The following ITGB5 variants were observed in gnomAD, a reference collection of about 807,000 sequenced individuals.
ITGB5 encodes the protein integrin beta-5.
Under a neutral mutation model 84.8 loss-of-function variants are expected in ITGB5, and 38 were observed. The ratio of observed to expected loss-of-function variants is 0.45; its 90% CI spans 0.35 to 0.59. ITGB5 has a LOEUF of 0.59. Among genes scored for constraint, ITGB5 ranks in the 20% least tolerant of loss-of-function variants. ITGB5 has a pLI of 0.01. For synonymous variants in ITGB5, 393 were observed against 414.4 expected (o/e 0.95, Z 0.63); for missense variants, 905 against 1,034.5 (o/e 0.87, Z 1.72).
At chr3:124,841,352 A>G (rs375293545) in intron 5 of ITGB5, 31 bp downstream of exon 5, 185 of 1,605,102 alleles carry the variant, frequency 1.2e-4, no homozygotes, top group Non-Finnish European at 1.5e-4. Flanking sequence ...TGACCTCCCC[A>G]TGCAGGGACA....
intron 3 of ITGB5, among the ~76,000 whole-genome samples, chr3:124,850,054 C>T (rs2065130262): frequency 6.6e-6 from 1 of 152,114 alleles, no homozygotes; most frequent in African/African-American, 2.4e-5. Context: ...CTACACCTGA[C>T]TTGCCGGCAG....
intron 9 of ITGB5, among the ~76,000 whole-genome samples, chr3:124,799,683 C>T (rs1018689968): frequency 2.0e-5 from 3 of 152,154 alleles, no homozygotes; most frequent in Admixed American, 6.5e-5. Flanking sequence ...AAGGAAGTGT[C>T]CTCATTTTAC....
chr3:124,789,237 A>G (rs943642233), intron 10 of ITGB5, among the ~76,000 whole-genome samples: 3 of 152,258 alleles, frequency 2.0e-5, no homozygotes, highest in Admixed American at 6.5e-5. Flanking sequence ...GGTGAGAAAC[A>G]CTTTTAAAAC....
At chr3:124,772,190 T>G (rs2063856101) in intron 11 of ITGB5, among the ~76,000 whole-genome samples, 1 of 152,188 alleles carries the variant, frequency 6.6e-6, no homozygotes, top group African/African-American at 2.4e-5. Context: ...CCGGGCTGTT[T>G]CTACTTGGAT....
chr3:124,861,446 C>T (rs1022074868), intron 2 of ITGB5, among the ~76,000 whole-genome samples: 2 of 129,804 alleles, frequency 1.5e-5, no homozygotes, highest in African/African-American at 3.0e-5. Context: ...CCAGCCTGAG[C>T]GACAGTGAGA....
At chr3:124,840,404 G>A (rs1340724822) in intron 5 of ITGB5, among the ~76,000 whole-genome samples, 1 of 151,732 alleles carries the variant, frequency 6.6e-6, no homozygotes, top group Non-Finnish European at 1.5e-5. Context: ...GATTTTTAAA[G>A]TATGTGTTAT....
intron 10 of ITGB5, among the ~76,000 whole-genome samples, chr3:124,789,177 ACTGATT>A (rs1283072161): frequency 6.6e-6 from 1 of 152,272 alleles, no homozygotes; most frequent in Non-Finnish European, 1.5e-5. Context: ...CTGCCAGGCT[ACTGATT>A]CTGAGTGTGA....
Position 124,763,551 on chromosome 3 carries a change from A to G in ITGB5, c.*72T>C. ...TACCTAGGGAGCTGTGATCAAGCCG[A>G]GCAGCCGTGCAAGGCGTTTCAGTCT... On this transcript the variant is annotated 3_prime_UTR_variant, in exon 15 of 15. Coordinates refer to ENST00000296181, the MANE Select transcript of ITGB5 (RefSeq NM_002213.5). The G allele has an allele frequency of 1.1e-6, 1 of 911,356 alleles. No individual in the cohort carries two copies. The allele number at this position is 911,356 out of a possible 1,614,324, so 56.5% of individuals were successfully genotyped here. A position where few individuals can be genotyped will look rare whatever the true frequency, so the allele number is the denominator to read the frequency against.
chr3:124,813,597 C>A (rs1032567704), intron 8 of ITGB5, among the ~76,000 whole-genome samples: 7 of 152,130 alleles, frequency 4.6e-5, no homozygotes, highest in African/African-American at 1.7e-4. Context: ...AGTTTGTTTA[C>A]ACTTACCCAC....
chr3:124,795,993 A>C (rs1480681509), intron 10 of ITGB5, among the ~76,000 whole-genome samples: 1 of 152,232 alleles, frequency 6.6e-6, no homozygotes, highest in Non-Finnish European at 1.5e-5. Flanking sequence ...AGCAGCAATA[A>C]GATATGAGTT....
chr3:124,802,804 A>C (rs2064336096), intron 9 of ITGB5, among the ~76,000 whole-genome samples: 2 of 152,228 alleles, frequency 1.3e-5, no homozygotes. Context: ...TCTGAAGAGC[A>C]GAGTGGCCAC....
At chr3:124,888,070 C>T (rs755897166), upstream of ITGB5, among the ~76,000 whole-genome samples, 4 of 151,928 alleles carry the variant, frequency 2.6e-5, no homozygotes, top group Admixed American at 6.6e-5. Context: ...CGCGCGCCAC[C>T]ACACCCGGAC....
rs750712591 is a variant in ITGB5, at chr3:124,861,495, T to TATATATATAC, written c.157-2050_157-2049insGTATATATAT. 6.7e-3 allele frequency among the ~76,000 whole-genome samples: 750 copies of TATATATATAC among 111,972 alleles called. 1 individual carries two copies. The highest frequency in any genetic ancestry group is 9.1e-3 in the Non-Finnish European group (545 of 59,640). The allele number at this position is 111,972 out of a possible 152,430, so 73.5% of individuals were successfully genotyped here. A position where few individuals can be genotyped will look rare whatever the true frequency, so the allele number is the denominator to read the frequency against. ...ACAAAACAAAACATATATATATATATACACACACACACACACACACACACA... is the reference window on the plus strand; with the variant it reads ...ACAAAACAAAACATATATATATATATATATATATACACACACACACACACACACACACACA... On this transcript the variant is annotated intron_variant, in intron 2 of 14. Transcript: ENST00000296181.
chr3:124,848,231 C>T, intron 4 of ITGB5, 78 bp downstream of exon 4: 1 of 1,551,118 alleles, frequency 6.4e-7, no homozygotes, highest in Non-Finnish European at 8.8e-7. Flanking sequence ...TTCCTTAATT[C>T]TTTCTTTGAG....
intron 13 of ITGB5, among the ~76,000 whole-genome samples, chr3:124,764,789 T>G (rs926599486): frequency 6.6e-6 from 1 of 152,252 alleles, no homozygotes; most frequent in Non-Finnish European, 1.5e-5. Context: ...ATGAGGGCCC[T>G]GGGGCAGGGC....
At chr3:124,885,408 A>C (rs943218674) in intron 1 of ITGB5, among the ~76,000 whole-genome samples, 1 of 152,226 alleles carries the variant, frequency 6.6e-6, no homozygotes, top group South Asian at 2.1e-4. Context: ...AAGAAAACTA[A>C]GATTTAAAAA....
intron 10 of ITGB5, among the ~76,000 whole-genome samples, chr3:124,774,626 G>A: frequency 6.6e-6 from 1 of 152,208 alleles, no homozygotes; most frequent in East Asian, 1.9e-4. Flanking sequence ...AGAGCTGTAA[G>A]AAAATAAATC....
chr3:124,865,704 T>G (rs570387275), intron 2 of ITGB5, among the ~76,000 whole-genome samples: 40 of 152,130 alleles, frequency 2.6e-4, no homozygotes, highest in African/African-American at 9.6e-4. Context: ...CCCAGGCTGG[T>G]CTACAACTCC....
chr3:124,870,749 C>CACTGCCCCTTACACT (rs1933982227), intron 2 of ITGB5, among the ~76,000 whole-genome samples: 1 of 149,478 alleles, frequency 6.7e-6, no homozygotes, highest in Non-Finnish European at 1.5e-5. Flanking sequence ...AAAAAAAAAC[C>CACTGCCCCTTACACT]CCAGTGGAGG....
Sources: allele counts gnomAD v4.1 joint callset (sites outside exome capture counted in the v4.1 genomes callset), GRCh38; gene constraint gnomAD v4.1.1; transcripts MANE v1.5; gene names NCBI Gene and HGNC (gene_info 2026-07-23, HGNC 2026-07-21).